LRRTM4: variants seen among roughly 807,000 people sequenced by gnomAD.
LRRTM4 encodes the protein leucine-rich repeat transmembrane neuronal protein 4.
LRRTM4 carries 25 observed loss-of-function variants against 47.6 expected under a neutral mutation model. The observed-to-expected ratio is 0.53, with a 90% CI of 0.38 to 0.73. LRRTM4 has a LOEUF of 0.73. Ranked by LOEUF, LRRTM4 falls within the 30% of genes least tolerant of loss-of-function variation. LRRTM4 has a pLI of 0.00. For synonymous variants in LRRTM4, 311 were observed against 269.5 expected (o/e 1.15, Z -1.51); for missense variants, 638 against 713.4 (o/e 0.89, Z 1.20).
chr2:77,094,649 T>C (rs1173725083), intron 3 of LRRTM4, among the ~76,000 whole-genome samples: 1 of 152,176 alleles, frequency 6.6e-6, no homozygotes, highest in Non-Finnish European at 1.5e-5. Flanking sequence ...TCAATTGATT[T>C]TTTACAGCAT....
In LRRTM4 at chr2:77,459,682, C is replaced by T. The variant is rs372878069; in HGVS notation, c.1551+58636G>A. On this transcript the variant is annotated intron_variant, in intron 3 of 3. Transcript: ENST00000409884. ...CCCTGTGAAATAACTTTCAGTAAAA[C>T]AAGAGACCGAAAAGTAGTTATTTTT... Among the ~76,000 whole-genome samples, 18 of 147,714 alleles carry T rather than the reference C, an allele frequency of 1.2e-4. No individual in the cohort carries two copies. The South Asian group carries it at 1.5e-3, about 12-fold the overall frequency.
chr2:77,131,819 G>T (rs552922726), intron 3 of LRRTM4, among the ~76,000 whole-genome samples: 1 of 152,120 alleles, frequency 6.6e-6, no homozygotes, highest in Non-Finnish European at 1.5e-5. Context: ...GTCTTACTCT[G>T]TTTGAGCTGC....
rs190923151 is a variant in LRRTM4 at position 76,964,459 on chromosome 2, T to C, written c.1552-215543A>G. Reference sequence around the variant, plus strand: ...TGAAATGTCCTCTGATTCTTCTGCATCATCCTCCAACAAAAGTGTTGAAAT... The same window carrying C: ...TGAAATGTCCTCTGATTCTTCTGCACCATCCTCCAACAAAAGTGTTGAAAT... On this transcript the variant is annotated intron_variant, in intron 3 of 3. Transcript: ENST00000409884. 2.2e-3 allele frequency among the ~76,000 whole-genome samples: 332 copies of C among 151,084 alleles called. 7 individuals are homozygous for C. Among genetic ancestry groups the C allele is most frequent in the African/African-American group, 7.8e-3 (322 of 41,424 alleles).
intron 3 of LRRTM4, among the ~76,000 whole-genome samples, chr2:77,508,413 G>A (rs571750337): frequency 3.3e-5 from 5 of 152,248 alleles, no homozygotes; most frequent in African/African-American, 1.2e-4. Flanking sequence ...AATCCAAGCC[G>A]TGTTATTTCC....
chr2:77,055,187 G>A (rs1418805290), intron 3 of LRRTM4, among the ~76,000 whole-genome samples: 3 of 151,590 alleles, frequency 2.0e-5, no homozygotes, highest in Non-Finnish European at 4.4e-5. Flanking sequence ...CTGCCCTGCT[G>A]CTTTCTCCAT....
At chr2:77,233,836 GAGTGC>G (rs1381555996) in intron 3 of LRRTM4, among the ~76,000 whole-genome samples, 1 of 152,134 alleles carries the variant, frequency 6.6e-6, no homozygotes, top group South Asian at 2.1e-4. Context: ...ACCCAGGCTG[GAGTGC>G]AACAGCGCGA....
intron 3 of LRRTM4, among the ~76,000 whole-genome samples, chr2:76,805,098 A>C (rs960954235): frequency 5.3e-5 from 8 of 152,132 alleles, no homozygotes; most frequent in Non-Finnish European, 8.8e-5. Flanking sequence ...TTAAACTTTT[A>C]ATGAAGATTG....
chr2:76,902,140 CCACT>C (rs1345682503), intron 3 of LRRTM4, among the ~76,000 whole-genome samples: 3 of 151,912 alleles, frequency 2.0e-5, no homozygotes, highest in African/African-American at 7.3e-5. Flanking sequence ...CAATAGAAGC[CCACT>C]TAACTATATC....
intron 3 of LRRTM4, among the ~76,000 whole-genome samples, chr2:77,129,451 T>A (rs114091892): frequency 0.014 from 2,168 of 152,308 alleles, 48 homozygotes; most frequent in African/African-American, 0.05. Context: ...TGCTGTATGA[T>A]CTTTACACAA....
chr2:77,107,917 A>C (rs1226998479), intron 3 of LRRTM4, among the ~76,000 whole-genome samples: 1 of 152,112 alleles, frequency 6.6e-6, no homozygotes, highest in Non-Finnish European at 1.5e-5. Flanking sequence ...TTGCCATTAT[A>C]AGTTGTTTAG....
chr2:77,352,714 T>A (rs1198109118), intron 3 of LRRTM4, among the ~76,000 whole-genome samples: 1 of 152,152 alleles, frequency 6.6e-6, no homozygotes, highest in Non-Finnish European at 1.5e-5. Context: ...GCAACCTGGC[T>A]TGCAAATTCC....
At chr2:76,759,212 G>A (rs1673166014) in intron 3 of LRRTM4, among the ~76,000 whole-genome samples, 1 of 152,048 alleles carries the variant, frequency 6.6e-6, no homozygotes, top group South Asian at 2.1e-4. Flanking sequence ...CCACTTCCCT[G>A]TGGTTTAGAC....
intron 3 of LRRTM4, among the ~76,000 whole-genome samples, chr2:76,831,703 A>T (rs1453126421): frequency 6.6e-6 from 1 of 152,150 alleles, no homozygotes; most frequent in African/African-American, 2.4e-5. Flanking sequence ...AAATGTTGGT[A>T]TCAGGGAGAA....
At chr2:77,203,138 T>C (rs1190836216) in intron 3 of LRRTM4, among the ~76,000 whole-genome samples, 2 of 152,010 alleles carry the variant, frequency 1.3e-5, no homozygotes, top group Non-Finnish European at 2.9e-5. Context: ...TGTGTATATA[T>C]ATGCAGTCCC....
intron 3 of LRRTM4, among the ~76,000 whole-genome samples, chr2:77,022,166 T>A (rs1235548420): frequency 6.6e-6 from 1 of 152,076 alleles, no homozygotes; most frequent in Non-Finnish European, 1.5e-5. Flanking sequence ...ATGAGGAAGA[T>A]GCAAAAGAGA....
chr2:76,822,036 AAAAC>A (rs1316425228), intron 3 of LRRTM4, among the ~76,000 whole-genome samples: 1 of 151,638 alleles, frequency 6.6e-6, no homozygotes, highest in Non-Finnish European at 1.5e-5. Flanking sequence ...CAATAAAAAT[AAAAC>A]AAACCAAATT....
intron 3 of LRRTM4, among the ~76,000 whole-genome samples, chr2:77,139,997 A>G (rs540762710): frequency 6.6e-6 from 1 of 152,330 alleles, no homozygotes; most frequent in South Asian, 2.1e-4. Context: ...ATCGAAGAAC[A>G]TTCCATGATT....
At chr2:77,397,210 G>A (rs943328550) in intron 3 of LRRTM4, among the ~76,000 whole-genome samples, 1 of 151,850 alleles carries the variant, frequency 6.6e-6, no homozygotes, top group Non-Finnish European at 1.5e-5. Flanking sequence ...GAAATTTGCA[G>A]TAATGACTCC....
chr2:76,972,124 G>T (rs1676240041), intron 3 of LRRTM4, among the ~76,000 whole-genome samples: 1 of 151,978 alleles, frequency 6.6e-6, no homozygotes, highest in South Asian at 2.1e-4. Context: ...ATTCTCAACT[G>T]ACATCTCCAC....
Sources: gnomAD v4.1 joint callset for allele counts (sites outside exome capture counted in the v4.1 genomes callset) on GRCh38, gnomAD v4.1.1 for gene constraint, MANE v1.5 for transcripts, NCBI Gene and HGNC (gene_info 2026-07-23, HGNC 2026-07-21) for gene names.